The following GCLC variants were observed in gnomAD, a reference collection of about 807,000 sequenced individuals.
GCLC encodes the protein glutamate-cysteine ligase catalytic subunit, also known as glutamate--cysteine ligase catalytic subunit.
A neutral mutation model predicts 81.5 loss-of-function variants in GCLC; 30 were observed. That is an observed-to-expected ratio of 0.37 (90% CI 0.28 to 0.50). GCLC has a LOEUF of 0.50. Ranked by LOEUF, GCLC falls within the 20% of genes least tolerant of loss-of-function variation. The pLI is 0.96. For missense variants in GCLC, 556 were observed against 777.4 expected (o/e 0.72, Z 3.39); for synonymous variants, 262 against 273.3 (o/e 0.96, Z 0.41).
At chr6:53,502,426 G>C (rs1395421148) in intron 12 of GCLC, among the ~76,000 whole-genome samples, 3 of 152,220 alleles carry the variant, frequency 2.0e-5, no homozygotes, top group East Asian at 1.9e-4. Flanking sequence ...TAAAAGCCTA[G>C]TAAATAGTAC....
At chr6:53,533,412 G>C (rs1763204940) in intron 1 of GCLC, among the ~76,000 whole-genome samples, 1 of 152,156 alleles carries the variant, frequency 6.6e-6, no homozygotes, top group South Asian at 2.1e-4. Flanking sequence ...GAGGCTTCTT[G>C]TCCTTCCCCA....
At chr6:53,541,778 C>G (rs1307890292) in intron 1 of GCLC, among the ~76,000 whole-genome samples, 2 of 152,102 alleles carry the variant, frequency 1.3e-5, no homozygotes, top group African/African-American at 4.8e-5. Flanking sequence ...GTATTTGGAA[C>G]AAGAAATGTG....
intron 1 of GCLC, chr6:53,523,173 A>T (rs1408434612): frequency 6.6e-6 from 1 of 152,226 alleles, no homozygotes; most frequent in Non-Finnish European, 1.5e-5. Flanking sequence ...ACATTTATTA[A>T]CAATACCTCG....
At chr6:53,543,813 T>TA (rs1763399531) in intron 1 of GCLC, among the ~76,000 whole-genome samples, 2 of 152,198 alleles carry the variant, frequency 1.3e-5, no homozygotes, top group African/African-American at 4.8e-5. Flanking sequence ...TTGTAAAGTT[T>TA]AGTTGCTGGA....
intron 3 of GCLC, among the ~76,000 whole-genome samples, chr6:53,517,826 C>T (rs1044070448): frequency 3.9e-5 from 6 of 152,210 alleles, no homozygotes; most frequent in South Asian, 2.1e-4. Context: ...TCACTAACCA[C>T]GTGGCTACTG....
intron 3 of GCLC, among the ~76,000 whole-genome samples, chr6:53,517,249 GTTTTTTTTTTTTTTT>G (rs201960255): frequency 0.032 from 2,347 of 73,174 alleles, 97 homozygotes; most frequent in African/African-American, 0.11. Flanking sequence ...ACTGTACCAA[GTTTTTTTTTTTTTTT>G]TTTTTTTTTT....
At chr6:53,531,186 A>T (rs1179571792) in intron 1 of GCLC, among the ~76,000 whole-genome samples, 1 of 152,214 alleles carries the variant, frequency 6.6e-6, no homozygotes, top group Non-Finnish European at 1.5e-5. Flanking sequence ...TGATACACTG[A>T]TTGACACAGA....
chr6:53,508,361 A>G (rs1764660254), intron 8 of GCLC, among the ~76,000 whole-genome samples: 1 of 152,338 alleles, frequency 6.6e-6, no homozygotes, highest in South Asian at 2.1e-4. Flanking sequence ...CCTTTTGGTA[A>G]AAACAGCCAT....
Position 53,505,425 on chromosome 6 carries a change from G to C in GCLC, c.1362C>G (p.Ser454=). The C allele has an allele frequency of 1.9e-6, 3 of 1,600,958 alleles. No homozygotes were observed. The highest frequency in any genetic ancestry group is 1.7e-6 in the Non-Finnish European group (2 of 1,168,232). ...GTGGAATGAGAAAATCCAATTTGTA[G>C]GAAAGGATCACTCTGGTGAGCAGTA... ...FVVLLTRVIL[S]YKLDFLIPLS... Residue 454 remains serine, a synonymous_variant, in exon 12 of 16, where the codon TCC becomes TCG. Coordinates refer to ENST00000650454, the MANE Select transcript of GCLC (RefSeq NM_001498.4).
intron 3 of GCLC, among the ~76,000 whole-genome samples, chr6:53,517,257 T>G (rs1245357109): frequency 1.7e-4 from 15 of 90,870 alleles, no homozygotes; most frequent in Admixed American, 7.9e-4. Flanking sequence ...AAGTTTTTTT[T>G]TTTTTTTTTT....
rs35480206 is a variant in GCLC, at chr6:53,540,667, C to CCACACACACACA, written c.150+3817_150+3828dup. Among the ~76,000 whole-genome samples, 503 of 143,908 alleles carry CCACACACACACA rather than the reference C, an allele frequency of 3.5e-3. 4 individuals are homozygous for CCACACACACACA. The highest frequency in any genetic ancestry group is 0.014 in the East Asian group (69 of 4,846). 94.4% of individuals were successfully genotyped at this position (143,908 alleles called of 152,430 possible). On this transcript the variant is annotated intron_variant, in intron 1 of 15. Transcript: ENST00000650454. ...GGTAGAGCTCATGTTAAGTGTCTTG[C>CCACACACACACA]CACACACACACACACACACACACAC...
chr6:53,539,193 G>C (rs1222766116), intron 1 of GCLC, among the ~76,000 whole-genome samples: 1 of 152,198 alleles, frequency 6.6e-6, no homozygotes, highest in Non-Finnish European at 1.5e-5. Context: ...GGGCTTACTT[G>C]TTTGTATTCT....
chr6:53,527,003 TCC>T (rs1031270539), intron 1 of GCLC, among the ~76,000 whole-genome samples: 9 of 152,190 alleles, frequency 5.9e-5, no homozygotes, highest in Admixed American at 6.5e-5. Context: ...GAAGGAATTT[TCC>T]CTCTCAAACT....
rs1480667189 is a variant in GCLC, at chr6:53,544,525, G to A, written c.121C>T (p.His41Tyr). Residue 41 changes from histidine (H) to tyrosine (Y), a missense_variant, in exon 1 of 16, where the codon CAC becomes TAC. Transcript: ENST00000650454. The stretch of plus-strand genomic sequence containing the variant: ...TCGCCCCACTTGAGAACGTCCTTGT[G>A]CCGGTCCTTGACGGCGTGGTAGATG... ...LHIYHAVKDR[H>Y]KDVLKWGDEV... is the part of the protein sequence containing the mutation. 2.5e-6 allele frequency: 4 copies of A among 1,608,990 alleles called. No homozygotes were observed. The African/African-American group carries it at 4.0e-5, about 16-fold the overall frequency.
Position 53,500,176 on chromosome 6 carries a change from C to T in GCLC, c.1582-11G>A. ...AGGAAACACACCTTCCTACAAGAAGCAGGACACTTTATGAACTCCCTGCCG... is the reference window on the plus strand; with the variant it reads ...AGGAAACACACCTTCCTACAAGAAGTAGGACACTTTATGAACTCCCTGCCG... On this transcript the variant is annotated splice_polypyrimidine_tract_variant and intron_variant, in intron 14 of 15. Transcript: ENST00000650454. 3.1e-6 allele frequency: 5 copies of T among 1,614,006 alleles called. No individual in the cohort carries two copies. The highest frequency in any genetic ancestry group is 4.2e-6 in the Non-Finnish European group (5 of 1,179,886).
chr6:53,502,460 C>T (rs1022094452), intron 12 of GCLC, among the ~76,000 whole-genome samples: 1 of 152,224 alleles, frequency 6.6e-6, no homozygotes, highest in Non-Finnish European at 1.5e-5. Context: ...ATTTAGTTCT[C>T]ACATCAAAGC....
chr6:53,544,562 G>T lies in GCLC; in HGVS notation c.84C>A (p.Leu28=). ...HADHVRRHGI[L]QFLHIYHAVK... is the part of the protein sequence containing the mutation. The stretch of plus-strand genomic sequence containing the variant: ...CGGCGTGGTAGATGTGCAGGAACTG[G>T]AGGATCCCGTGCCGCCGCACGTGGT... Residue 28 remains leucine (L), a synonymous_variant, in exon 1 of 16, where the codon CTC becomes CTA. Coordinates refer to ENST00000650454, the MANE Select transcript of GCLC (RefSeq NM_001498.4). The T allele has an allele frequency of 1.2e-6, 2 of 1,608,038 alleles. No individual in the cohort carries two copies.
intron 1 of GCLC, among the ~76,000 whole-genome samples, chr6:53,540,304 T>C (rs1763330025): frequency 1.5e-5 from 2 of 136,476 alleles, no homozygotes; most frequent in Middle Eastern, 3.8e-3. Context: ...ATACAAGCAA[T>C]GGAATATTAT....
intron 6 of GCLC, chr6:53,510,212 G>C (rs1280383572): frequency 1.3e-5 from 2 of 152,058 alleles, no homozygotes; most frequent in Admixed American, 1.3e-4. Context: ...GACTTACGAG[G>C]CCAAGAGAAC....
Sources: gnomAD v4.1 joint callset for allele counts (sites outside exome capture counted in the v4.1 genomes callset) on GRCh38, gnomAD v4.1.1 for gene constraint, MANE v1.5 for transcripts, NCBI Gene and HGNC (gene_info 2026-07-23, HGNC 2026-07-21) for gene names.